Variants in SMAP1 observed in about 807,000 individuals in gnomAD.
The protein encoded by SMAP1 is stromal membrane-associated protein 1.
Under a neutral mutation model 58.5 loss-of-function variants are expected in SMAP1, and 24 were observed. That is an observed-to-expected ratio of 0.41 (90% CI 0.30 to 0.58). The LOEUF is 0.58. SMAP1 is among the 20% of genes least tolerant of loss of function. The pLI is 0.29. For synonymous variants in SMAP1, 216 were observed against 196.6 expected, an observed-to-expected ratio of 1.10 and a Z score of -0.82; for missense variants, 563 against 566.3, an observed-to-expected ratio of 0.99 and a Z score of 0.06.
At chr6:70,689,920 G>A (rs1767088113) in intron 1 of SMAP1, among the ~76,000 whole-genome samples, 1 of 152,124 alleles carries the variant, frequency 6.6e-6, no homozygotes, top group Admixed American at 6.5e-5. Flanking sequence ...TTGCAACTTA[G>A]TTAACCTCAT....
At chr6:70,773,721 C>A (rs1028662490) in intron 4 of SMAP1, among the ~76,000 whole-genome samples, 1 of 152,044 alleles carries the variant, frequency 6.6e-6, no homozygotes, top group African/African-American at 2.4e-5. Context: ...GAAATTTTTT[C>A]CCCTAGATTC....
intron 10 of SMAP1, chr6:70,858,435 A>C (rs1404993475): frequency 2.2e-6 from 1 of 463,430 alleles, no homozygotes. Context: ...TCGCTATTTT[A>C]GAGTATTCTG....
intron 6 of SMAP1, among the ~76,000 whole-genome samples, chr6:70,831,612 G>A (rs1770362258): frequency 6.6e-6 from 1 of 152,122 alleles, no homozygotes; most frequent in African/African-American, 2.4e-5. Context: ...TCTTTTTTAT[G>A]GCTGTATAGT....
intron 1 of SMAP1, among the ~76,000 whole-genome samples, chr6:70,723,001 A>G (rs1768597949): frequency 1.3e-5 from 2 of 152,226 alleles, no homozygotes; most frequent in African/African-American, 2.4e-5. Context: ...GTGCTGTTTT[A>G]TACTTAGGGA....
chr6:70,712,542 A>G (rs2149838833), intron 1 of SMAP1, among the ~76,000 whole-genome samples: 1 of 152,344 alleles, frequency 6.6e-6, no homozygotes, highest in Middle Eastern at 3.4e-3. Context: ...GTTTGGTAGA[A>G]TTTAGCTGTG....
chr6:70,836,577 A>T (rs1770596305), intron 6 of SMAP1, among the ~76,000 whole-genome samples: 1 of 152,194 alleles, frequency 6.6e-6, no homozygotes, highest in Non-Finnish European at 1.5e-5. Context: ...ATGAAATTTG[A>T]GTGGGGACAC....
intron 6 of SMAP1, among the ~76,000 whole-genome samples, chr6:70,827,115 A>G (rs890382054): frequency 6.6e-6 from 1 of 152,158 alleles, no homozygotes; most frequent in African/African-American, 2.4e-5. Flanking sequence ...CAGCTATCCA[A>G]TTAATAGAAT....
At chr6:70,745,486 A>C (rs1205205247) in intron 2 of SMAP1, among the ~76,000 whole-genome samples, 3 of 152,020 alleles carry the variant, frequency 2.0e-5, no homozygotes, top group Non-Finnish European at 1.5e-5. Flanking sequence ...ATGGTTGTAG[A>C]TGTGTGGTGT....
rs547893705 is a variant in SMAP1, at chr6:70,858,234, G to A, written c.1269+5G>A. On this transcript the variant is annotated splice_donor_5th_base_variant and intron_variant, in intron 10 of 10. Transcript: ENST00000370455. ...CCCCAGTGGAGCCTCTCACAGGTAG[G>A]GGTCATTTACTTTCTAGCTTCTCCC... 15 of 1,607,072 alleles carry A rather than the reference G, an allele frequency of 9.3e-6. No homozygotes were observed. The highest frequency in any genetic ancestry group is 3.4e-5 in the Admixed American group (2 of 59,536).
intron 1 of SMAP1, among the ~76,000 whole-genome samples, chr6:70,723,976 TG>T (rs944815853): frequency 2.0e-5 from 3 of 151,894 alleles, no homozygotes; most frequent in African/African-American, 7.2e-5. Flanking sequence ...CCAAGTATAT[TG>T]AAAAAAAAAG....
chr6:70,729,388 G>A (rs997208708), intron 1 of SMAP1, among the ~76,000 whole-genome samples: 1 of 149,576 alleles, frequency 6.7e-6, no homozygotes, highest in Non-Finnish European at 1.5e-5. Flanking sequence ...GCAGTGAGCC[G>A]AGATCACGCC....
chr6:70,821,627 T>C (rs1481283713), intron 6 of SMAP1, among the ~76,000 whole-genome samples: 1 of 152,184 alleles, frequency 6.6e-6, no homozygotes, highest in Non-Finnish European at 1.5e-5. Context: ...CTGTTCTTAC[T>C]GTTTTGTTTT....
At chr6:70,782,290 A>G (rs1420257754) in intron 4 of SMAP1, among the ~76,000 whole-genome samples, 2 of 152,252 alleles carry the variant, frequency 1.3e-5, no homozygotes, top group Non-Finnish European at 2.9e-5. Flanking sequence ...GAACTTTCAA[A>G]GAACAATTAC....
At chr6:70,694,235 G>T in intron 1 of SMAP1, 1 of 247,720 alleles carries the variant, frequency 4.0e-6, no homozygotes, top group Non-Finnish European at 8.0e-6. Flanking sequence ...TTATGTTAAT[G>T]ATACACTCCA....
chr6:70,670,261 A>G (rs1399440751), intron 1 of SMAP1, among the ~76,000 whole-genome samples: 1 of 152,096 alleles, frequency 6.6e-6, no homozygotes, highest in East Asian at 1.9e-4. Context: ...TACAAGGATT[A>G]TTTTTTTCTT....
chr6:70,790,394 C>T (rs1768296365), intron 4 of SMAP1, among the ~76,000 whole-genome samples: 1 of 152,160 alleles, frequency 6.6e-6, no homozygotes. Flanking sequence ...GTGCCTTGGC[C>T]TCCCAAAGTG....
At chr6:70,768,529 T>C (rs1767110374) in intron 3 of SMAP1, among the ~76,000 whole-genome samples, 2 of 152,230 alleles carry the variant, frequency 1.3e-5, no homozygotes, top group Non-Finnish European at 2.9e-5. Flanking sequence ...TTATCCAGTT[T>C]ATTTGCGTAG....
intron 7 of SMAP1, among the ~76,000 whole-genome samples, chr6:70,846,178 A>G (rs1156704355): frequency 6.6e-6 from 1 of 152,218 alleles, no homozygotes; most frequent in African/African-American, 2.4e-5. Context: ...TGTACTTTTC[A>G]AAAATAGTGT....
chr6:70,768,993 T>C (rs910276916), intron 3 of SMAP1, among the ~76,000 whole-genome samples: 3 of 152,156 alleles, frequency 2.0e-5, no homozygotes, highest in African/African-American at 7.2e-5. Context: ...TATTTCTGCC[T>C]TCATTTCGTT....
Sources: gnomAD v4.1 joint callset for allele counts (sites outside exome capture counted in the v4.1 genomes callset) on GRCh38, gnomAD v4.1.1 for gene constraint, MANE v1.5 for transcripts, NCBI Gene and HGNC (gene_info 2026-07-23, HGNC 2026-07-21) for gene names.